The following EYA1 variants were observed in gnomAD, a reference collection of about 807,000 sequenced individuals.
The protein encoded by EYA1 is EYA transcriptional coactivator and phosphatase 1.
Under a neutral mutation model 82.0 loss-of-function variants are expected in EYA1, and 16 were observed. That is an observed-to-expected ratio of 0.20 (90% CI 0.13 to 0.30). EYA1 has a LOEUF of 0.30. Among genes scored for constraint, EYA1 ranks in the 10% least tolerant of loss-of-function variants. The probability of loss-of-function intolerance (pLI) is 1.00; values close to 1 mark genes in which losing one functional copy is unlikely to be tolerated. For missense variants in EYA1, 633 were observed against 730.7 expected, an observed-to-expected ratio of 0.87 and a Z score of 1.54; for synonymous variants, 261 against 264.4, an observed-to-expected ratio of 0.99 and a Z score of 0.12.
chr8:71,527,122 T>A (rs992657589), intron 2 of EYA1, among the ~76,000 whole-genome samples: 1 of 151,718 alleles, frequency 6.6e-6, no homozygotes, highest in Non-Finnish European at 1.5e-5. Flanking sequence ...ACAAGATTCA[T>A]TGGCTGAGGG....
intron 12 of EYA1, among the ~76,000 whole-genome samples, chr8:71,232,350 C>G (rs1811300733): frequency 6.6e-6 from 1 of 152,242 alleles, no homozygotes. Flanking sequence ...CACACCCAGC[C>G]AGGCTCCGCT....
intron 3 of EYA1, among the ~76,000 whole-genome samples, chr8:71,337,284 G>C (rs1012758565): frequency 9.2e-5 from 14 of 152,228 alleles, no homozygotes; most frequent in Non-Finnish European, 5.9e-5. Context: ...TTCATTATAT[G>C]ACTCCAGTCT....
At chr8:71,390,499 G>A (rs1471968749) in intron 2 of EYA1, among the ~76,000 whole-genome samples, 1 of 152,034 alleles carries the variant, frequency 6.6e-6, no homozygotes, top group Non-Finnish European at 1.5e-5. Flanking sequence ...CCAATCTCAA[G>A]CAATCCTCCC....
intron 2 of EYA1, among the ~76,000 whole-genome samples, chr8:71,368,501 A>C (rs1827890502): frequency 6.6e-6 from 1 of 152,152 alleles, no homozygotes; most frequent in Admixed American, 6.5e-5. Flanking sequence ...CAAAAGCAAA[A>C]AAAAAGAAAG....
chr8:71,387,774 A>T (rs72655706), intron 2 of EYA1, among the ~76,000 whole-genome samples: 9,939 of 152,236 alleles, frequency 0.065, 458 homozygotes, highest in Middle Eastern at 0.15. Flanking sequence ...ATTTTCAGCT[A>T]TCCAAATCTT....
intron 2 of EYA1, among the ~76,000 whole-genome samples, chr8:71,367,823 T>C (rs570774098): frequency 6.6e-6 from 1 of 152,308 alleles, no homozygotes; most frequent in East Asian, 1.9e-4. Context: ...TACTATGGTG[T>C]GAGGGTTAAA....
intron 11 of EYA1, among the ~76,000 whole-genome samples, chr8:71,250,934 A>G (rs1438250216): frequency 6.6e-6 from 1 of 152,246 alleles, no homozygotes; most frequent in Non-Finnish European, 1.5e-5. Context: ...TTGTCAGTGA[A>G]AAAACAATTC....
upstream of EYA1, chr8:71,362,105 C>T: frequency 1.0e-6 from 1 of 980,642 alleles, no homozygotes; most frequent in Non-Finnish European, 1.2e-6. Context: ...TCTCATCCCT[C>T]GATTTGTTTG....
rs566906012 is a variant in EYA1, at chr8:71,441,330, A to C, written c.34-84819T>G. Among the ~76,000 whole-genome samples, 665 of 152,272 alleles carry C rather than the reference A, an allele frequency of 4.4e-3. 5 individuals carry two copies. The highest frequency in any genetic ancestry group is 0.015 in the African/African-American group (643 of 41,548). On this transcript the variant is annotated intron_variant, in intron 2 of 18. Coordinates refer to the EYA1 transcript ENST00000643681. ...GAGGCTGAGGTGGGAGAATTGCTTG[A>C]GTCCAGGAGTTTGAGGCTGCAGTGA... is the stretch of plus-strand genomic sequence containing the variant.
At chr8:71,349,958 G>A (rs954307044) in intron 3 of EYA1, among the ~76,000 whole-genome samples, 1 of 152,082 alleles carries the variant, frequency 6.6e-6, no homozygotes, top group Non-Finnish European at 1.5e-5. Flanking sequence ...ATACAACATA[G>A]GAAAATATTA....
rs946818253 is a variant in EYA1, at chr8:71,197,440, A to ACAT, written c.*1897_*1899dup. 1.3e-5 allele frequency: 2 copies of ACAT among 152,462 alleles called. No individual in the cohort carries two copies. Among genetic ancestry groups the ACAT allele is most frequent in the African/African-American group, 4.8e-5 (2 of 41,466 alleles). The allele number at this position is 152,462 out of a possible 1,614,324, so 9.4% of individuals were successfully genotyped here. On this transcript the variant is annotated 3_prime_UTR_variant, in exon 18 of 18. Coordinates refer to ENST00000340726, the MANE Select transcript of EYA1 (RefSeq NM_000503.6). ...TCCCGACAGTCAGGGAGCTTACAGT[A>ACAT]CATCACAAATAAATTTTATTAACTT...
chr8:71,430,710 G>A (rs1343617190), intron 2 of EYA1, among the ~76,000 whole-genome samples: 1 of 152,192 alleles, frequency 6.6e-6, no homozygotes, highest in Non-Finnish European at 1.5e-5. Flanking sequence ...AACCAATGGG[G>A]GTGGGTGCTG....
chr8:71,214,075 G>A (rs1370427098), intron 16 of EYA1, among the ~76,000 whole-genome samples: 1 of 152,198 alleles, frequency 6.6e-6, no homozygotes, highest in Non-Finnish European at 1.5e-5. Context: ...CACAGGAAGT[G>A]TAAAAGTGCA....
At chr8:71,435,548 T>TG (rs1200657351) in intron 2 of EYA1, among the ~76,000 whole-genome samples, 2 of 152,076 alleles carry the variant, frequency 1.3e-5, no homozygotes, top group Non-Finnish European at 2.9e-5. Context: ...AATTCTGGGT[T>TG]GGGGGGAAGA....
Position 71,463,572 on chromosome 8 carries a change from GCTTTCTCTCTCT to G in EYA1, c.33+72160_33+72171del, listed in dbSNP as rs1380026702. On this transcript the variant is annotated intron_variant, in intron 2 of 18. Coordinates refer to the EYA1 transcript ENST00000643681. Reference sequence around the variant, plus strand: ...TTAGGTTATTTCTTAAGAAATACATGCTTTCTCTCTCTCTCTCTCTCTCTCTCTCTCTCTCTC... The same window carrying G: ...TTAGGTTATTTCTTAAGAAATACATGCTCTCTCTCTCTCTCTCTCTCTCTC... 5.4e-5 allele frequency among the ~76,000 whole-genome samples: 5 copies of G among 92,646 alleles called. No individual in the cohort carries two copies. In the East Asian group the frequency reaches 1.1e-3, roughly 21 times the overall value. 60.8% of individuals were successfully genotyped at this position (92,646 alleles called of 152,430 possible).
At chr8:71,508,091 C>T (rs544300719) in intron 2 of EYA1, among the ~76,000 whole-genome samples, 1 of 152,320 alleles carries the variant, frequency 6.6e-6, no homozygotes, top group African/African-American at 2.4e-5. Context: ...AGTAATGCCA[C>T]TCACTACCCA....
chr8:71,331,514 T>TAA lies in EYA1; in HGVS notation c.202+2581_202+2582dup, dbSNP rs200482968. ...TTATATATATATATACACATATATATAATGTAAAAATTTTGAAAATAAGAC... is the reference window on the plus strand; with the variant it reads ...TTATATATATATATACACATATATATAAAATGTAAAAATTTTGAAAATAAGAC... On this transcript the variant is annotated intron_variant, in intron 4 of 17. Coordinates refer to ENST00000340726, the MANE Select transcript of EYA1 (RefSeq NM_000503.6). Among the ~76,000 whole-genome samples, 1,284 of 149,766 alleles carry TAA rather than the reference T, an allele frequency of 8.6e-3. 18 individuals are homozygous for TAA. The highest frequency in any genetic ancestry group is 0.03 in the African/African-American group (1,213 of 41,118).
intron 17 of EYA1, among the ~76,000 whole-genome samples, chr8:71,201,661 A>C (rs1807037451): frequency 6.6e-6 from 1 of 152,206 alleles, no homozygotes; most frequent in African/African-American, 2.4e-5. Flanking sequence ...TACATACTCA[A>C]ACATACTTGA....
chr8:71,461,997 A>G (rs931489679), intron 2 of EYA1, among the ~76,000 whole-genome samples: 6 of 152,008 alleles, frequency 3.9e-5, no homozygotes, highest in Non-Finnish European at 5.9e-5. Context: ...GAGGAAGTGC[A>G]TGCTGCTTGG....
Sources: gnomAD v4.1 joint callset for allele counts (sites outside exome capture counted in the v4.1 genomes callset) on GRCh38, gnomAD v4.1.1 for gene constraint, MANE v1.5 for transcripts, NCBI Gene and HGNC (gene_info 2026-07-23, HGNC 2026-07-21) for gene names.